Variants in LRBA observed in about 807,000 individuals in gnomAD.
The protein encoded by LRBA is lipopolysaccharide-responsive and beige-like anchor protein.
Under a neutral mutation model 330.0 loss-of-function variants are expected in LRBA, and 176 were observed. The observed-to-expected ratio is 0.53, with a 90% CI of 0.47 to 0.60. The LOEUF is 0.60. Among genes scored for constraint, LRBA ranks in the 20% least tolerant of loss-of-function variants. The pLI, the probability that LRBA is intolerant of heterozygous loss-of-function variation, is 0.00. For synonymous variants in LRBA, 1,230 were observed against 1,193.0 expected (o/e 1.03, Z -0.64); for missense variants, 3,259 against 3,444.8 (o/e 0.95, Z 1.35).
intron 31 of LRBA, among the ~76,000 whole-genome samples, chr4:150,811,276 T>C (rs1471581277): frequency 1.3e-5 from 2 of 152,228 alleles, no homozygotes; most frequent in Non-Finnish European, 2.9e-5. Context: ...TTTATTGCAA[T>C]GTATCAGACA....
intron 2 of LRBA, among the ~76,000 whole-genome samples, chr4:150,946,918 A>C (rs78022254): frequency 6.4e-5 from 8 of 125,632 alleles, no homozygotes; most frequent in Admixed American, 1.6e-4. Context: ...TAGAGGCAGC[A>C]AAAAAAAAAA....
At chr4:150,274,469 A>G (rs1746506799) in intron 56 of LRBA, among the ~76,000 whole-genome samples, 1 of 152,148 alleles carries the variant, frequency 6.6e-6, no homozygotes, top group Non-Finnish European at 1.5e-5. Context: ...ACTGAAGGAG[A>G]CAGAGACACA....
At chr4:150,617,242 A>G (rs1417123186) in intron 37 of LRBA, among the ~76,000 whole-genome samples, 2 of 152,234 alleles carry the variant, frequency 1.3e-5, no homozygotes, top group Admixed American at 1.3e-4. Context: ...AAAACCTCAT[A>G]AAGAAACAAA....
At chr4:150,612,317 T>G (rs1180773532) in intron 37 of LRBA, among the ~76,000 whole-genome samples, 1 of 152,150 alleles carries the variant, frequency 6.6e-6, no homozygotes, top group Non-Finnish European at 1.5e-5. Context: ...AAACCAAAAC[T>G]CTCAGGAAAA....
Position 150,915,633 on chromosome 4 carries a change from A to C in LRBA, c.989T>G (p.Ile330Arg), listed in dbSNP as rs1202991035. 3.7e-6 allele frequency: 6 copies of C among 1,612,464 alleles called. No individual in the cohort carries two copies. In the South Asian group the frequency reaches 4.4e-5, roughly 12 times the overall value. The change falls in exon 8 of 57, where the codon ATA becomes AGA. Residue 330 changes from isoleucine to arginine, a missense_variant. By Grantham distance (97) the Ile-to-Arg change is moderately conservative. Coordinates refer to ENST00000651943, the MANE Select transcript of LRBA (RefSeq NM_001364905.1). ...VNGELASYGE[I>R]TWFVNTSDTF... The stretch of plus-strand genomic sequence containing the variant: ...ATCGCTAGTGTTGACAAACCATGTT[A>C]TCTCTCCATAGGAAGCCAGCTCACC...
Position 150,477,458 on chromosome 4 carries a change from G to A in LRBA, c.6552-5719C>T, listed in dbSNP as rs185651390. Among the ~76,000 whole-genome samples, 244 of 152,102 alleles carry A rather than the reference G, an allele frequency of 1.6e-3. 1 individual carries two copies. Among genetic ancestry groups the A allele is most frequent in the Admixed American group, 2.6e-3 (40 of 15,260 alleles). On this transcript the variant is annotated intron_variant, in intron 42 of 56. Coordinates refer to ENST00000651943, the MANE Select transcript of LRBA (RefSeq NM_001364905.1). ...TCTTCACAAGGCAGCAGTGGGGGTG[G>A]GAGAACCAAGAAAAAATTAAACCAT...
At chr4:150,288,287 C>T (rs1186712751) in intron 53 of LRBA, among the ~76,000 whole-genome samples, 1 of 151,484 alleles carries the variant, frequency 6.6e-6, no homozygotes. Flanking sequence ...CCAGGATCCA[C>T]AAATTTTAGG....
chr4:150,427,069 A>G (rs1749732648), intron 46 of LRBA, among the ~76,000 whole-genome samples: 1 of 151,932 alleles, frequency 6.6e-6, no homozygotes, highest in Non-Finnish European at 1.5e-5. Context: ...TGCAAATAAA[A>G]TTTCTGGAAT....
At chr4:150,298,723 C>G (rs570875245) in intron 53 of LRBA, among the ~76,000 whole-genome samples, 1 of 151,942 alleles carries the variant, frequency 6.6e-6, no homozygotes, top group Non-Finnish European at 1.5e-5. Context: ...AGAAAGCTGA[C>G]ATAGATTAGC....
In LRBA at chr4:150,684,516, C is replaced by T. The variant is rs565845158; in HGVS notation, c.5755-799G>A. On this transcript the variant is annotated intron_variant, in intron 36 of 56. Transcript: ENST00000651943. ...TACATCAAAGTCTGAAAAGTACTGT[C>T]TTAGATATCATCAATTTTACCAAAA... Among the ~76,000 whole-genome samples the T allele has an allele frequency of 3.9e-5, 6 of 152,214 alleles. No individual in the cohort carries two copies. In the East Asian group the frequency reaches 1.2e-3, roughly 29 times the overall value.
intron 56 of LRBA, among the ~76,000 whole-genome samples, chr4:150,267,296 G>GTGT (rs1332756077): frequency 6.6e-6 from 1 of 152,160 alleles, no homozygotes; most frequent in African/African-American, 2.4e-5. Flanking sequence ...TAGGCCACAA[G>GTGT]TGTTAATGAC....
At chr4:150,711,963 T>C (rs1244917978) in intron 36 of LRBA, among the ~76,000 whole-genome samples, 1 of 152,198 alleles carries the variant, frequency 6.6e-6, no homozygotes, top group Non-Finnish European at 1.5e-5. Context: ...AAGGTACTCA[T>C]TTAGAAGAGC....
rs537127276 is a variant in LRBA, at chr4:150,388,433, A to G, written c.7194+27005T>C. ...AAAGTTTTAACCCATTCCAAGGTCA[A>G]CTCTAAAGTCTACAGTTCAAAGTCT... On this transcript the variant is annotated intron_variant, in intron 47 of 56. Coordinates refer to ENST00000651943, the MANE Select transcript of LRBA (RefSeq NM_001364905.1). 4.5e-4 allele frequency among the ~76,000 whole-genome samples: 69 copies of G among 152,292 alleles called. 1 individual carries two copies. In the South Asian group the frequency reaches 0.013, roughly 28 times the overall value.
At chr4:150,955,658 A>C (rs937199555) in intron 2 of LRBA, among the ~76,000 whole-genome samples, 1 of 148,536 alleles carries the variant, frequency 6.7e-6, no homozygotes, top group Non-Finnish European at 1.5e-5. Flanking sequence ...TTGAAAGGCC[A>C]AGGCATGCAG....
intron 36 of LRBA, among the ~76,000 whole-genome samples, chr4:150,705,995 G>T (rs887221226): frequency 6.6e-6 from 1 of 151,948 alleles, no homozygotes; most frequent in African/African-American, 2.4e-5. Flanking sequence ...ACCAATAAAA[G>T]TTGGTAAAAC....
At chr4:150,551,649 C>G (rs752985648) in intron 40 of LRBA, among the ~76,000 whole-genome samples, 10 of 151,236 alleles carry the variant, frequency 6.6e-5, no homozygotes, top group Non-Finnish European at 1.3e-4. Context: ...GCCTGGGTGA[C>G]AGAGCAAGAC....
At chr4:150,860,837 A>G (rs112390599) in intron 22 of LRBA, among the ~76,000 whole-genome samples, 4 of 152,242 alleles carry the variant, frequency 2.6e-5, no homozygotes, top group African/African-American at 9.6e-5. Context: ...AGAAATATAT[A>G]AACTAAACAA....
Position 150,521,865 on chromosome 4 carries a change from T to C in LRBA, c.6331-30830A>G, listed in dbSNP as rs375327782. 1.3e-4 allele frequency among the ~76,000 whole-genome samples: 20 copies of C among 152,342 alleles called. 1 individual carries two copies. The South Asian group carries it at 4.1e-3, about 32-fold the overall frequency. The stretch of plus-strand genomic sequence containing the variant: ...TCAATTAGGTTAAATTTGTTGATAG[T>C]GTTCATGAATTCTACATAATTACTG... On this transcript the variant is annotated intron_variant, in intron 40 of 56. Coordinates refer to ENST00000651943, the MANE Select transcript of LRBA (RefSeq NM_001364905.1).
chr4:150,904,061 G>A (rs144172910), intron 13 of LRBA, among the ~76,000 whole-genome samples: 15 of 152,278 alleles, frequency 9.9e-5, no homozygotes, highest in Non-Finnish European at 2.2e-4. Context: ...ACAGATCTAA[G>A]ATAAATGGAA....
Sources: gnomAD v4.1 joint callset for allele counts (sites outside exome capture counted in the v4.1 genomes callset) on GRCh38, gnomAD v4.1.1 for gene constraint, MANE v1.5 for transcripts, NCBI Gene and HGNC (gene_info 2026-07-23, HGNC 2026-07-21) for gene names.